Variants in VPS26A observed in about 807,000 individuals in gnomAD.
VPS26A encodes vacuolar protein sorting-associated protein 26A.
VPS26A carries 22 observed loss-of-function variants against 42.4 expected under a neutral mutation model. The observed-to-expected ratio is 0.52, with a 90% CI of 0.37 to 0.74. The LOEUF is 0.74. Among genes scored for constraint, VPS26A ranks in the 30% least tolerant of loss-of-function variants. The pLI, the probability that VPS26A is intolerant of heterozygous loss-of-function variation, is 0.00. For missense variants in VPS26A, 276 were observed against 379.2 expected (o/e 0.73, Z 2.26); for synonymous variants, 110 against 123.5 (o/e 0.89, Z 0.73).
Position 69,171,484 on chromosome 10 carries a change from C to T in VPS26A, c.*215C>T. 1 of 385,534 alleles carries T rather than the reference C, an allele frequency of 2.6e-6. No individual in the cohort carries two copies. The highest frequency in any genetic ancestry group is 4.6e-6 in the Non-Finnish European group (1 of 219,360). 23.9% of individuals were successfully genotyped at this position (385,534 alleles called of 1,614,324 possible). On this transcript the variant is annotated 3_prime_UTR_variant, in exon 9 of 9. Coordinates refer to ENST00000263559, the MANE Select transcript of VPS26A (RefSeq NM_004896.5). ...TTTTAAAAGTGCTTTCTTTGAAACA[C>T]TGGAACTTTGTTAAGCTGCCTTTTT... is the stretch of plus-strand genomic sequence containing the variant.
chr10:69,151,282 A>AAAAAAAAACAAAAAC (rs71035063), intron 2 of VPS26A, among the ~76,000 whole-genome samples: 12 of 136,828 alleles, frequency 8.8e-5, no homozygotes, highest in African/African-American at 4.0e-4. Context: ...AAAAAAAAAA[A>AAAAAAAAACAAAAAC]ACACACACAC....
intron 5 of VPS26A, among the ~76,000 whole-genome samples, chr10:69,158,748 A>C (rs1187966701): frequency 6.6e-6 from 1 of 152,166 alleles, no homozygotes; most frequent in Non-Finnish European, 1.5e-5. Context: ...ATGAATCCTC[A>C]TGTACCCATT....
rs1246673781 is a variant in VPS26A at position 69,128,937 on chromosome 10, C to T, written c.4-3961C>T. On this transcript the variant is annotated intron_variant, in intron 1 of 8. Transcript: ENST00000263559. Reference sequence around the variant, plus strand: ...GCTTGAGCCCATGAGGCAGAAGTTGCAGTCAGCTGAGATCATACCACTGCA... The same window carrying T: ...GCTTGAGCCCATGAGGCAGAAGTTGTAGTCAGCTGAGATCATACCACTGCA... Among the ~76,000 whole-genome samples the T allele has an allele frequency of 3.1e-5, 4 of 130,126 alleles. No individual in the cohort carries two copies. The East Asian group carries it at 9.2e-4, about 30-fold the overall frequency. 85.4% of individuals were successfully genotyped at this position (130,126 alleles called of 152,430 possible).
At chr10:69,161,653 G>T in intron 5 of VPS26A, 1 of 334,728 alleles carries the variant, frequency 3.0e-6, no homozygotes. Flanking sequence ...GTTTTATAGA[G>T]GCTTACCCAT....
At chr10:69,162,555 T>C in intron 6 of VPS26A, 43 bp downstream of exon 6, 1 of 1,265,342 alleles carries the variant, frequency 7.9e-7, no homozygotes, top group Non-Finnish European at 1.1e-6. Context: ...TTTGTTTTAG[T>C]TGACATTTTT....
rs1041013667 is a variant in VPS26A, at chr10:69,171,557, G to A, written c.*288G>A. The A allele has an allele frequency of 2.4e-5, 5 of 212,714 alleles. No individual in the cohort carries two copies. Among genetic ancestry groups the A allele is most frequent in the South Asian group, 1.1e-4 (1 of 8,930 alleles). 13.2% of individuals were successfully genotyped at this position (212,714 alleles called of 1,614,324 possible). A position where few individuals can be genotyped will look rare whatever the true frequency, so the allele number is the denominator to read the frequency against. Reference sequence around the variant, plus strand: ...GATAAGCACTCAGATATATATCAGCGTAAACATGAAAAATTTTCATGTGAG... The same window carrying A: ...GATAAGCACTCAGATATATATCAGCATAAACATGAAAAATTTTCATGTGAG... On this transcript the variant is annotated 3_prime_UTR_variant, in exon 9 of 9. Transcript: ENST00000263559.
intron 2 of VPS26A, among the ~76,000 whole-genome samples, chr10:69,141,140 G>C (rs1161455282): frequency 2.0e-5 from 3 of 152,184 alleles, no homozygotes; most frequent in Admixed American, 2.0e-4. Context: ...GATTCTAAAA[G>C]GCCATGTGTA....
rs547954014 is a variant in VPS26A at position 69,145,730 on chromosome 10, T to TC, written c.154-10082_154-10081insC. 3.3e-3 allele frequency among the ~76,000 whole-genome samples: 494 copies of TC among 151,808 alleles called. 1 individual carries two copies. The highest frequency in any genetic ancestry group is 0.02 in the Middle Eastern group (6 of 294). On this transcript the variant is annotated intron_variant, in intron 2 of 8. Transcript: ENST00000263559. ...TGGCATGTACTTTTTTCTTTTCTTT[T>TC]TTTTTTTTAAATAGCCTAATTGAGT...
intron 1 of VPS26A, among the ~76,000 whole-genome samples, chr10:69,125,359 G>T (rs1206631474): frequency 6.6e-6 from 1 of 152,106 alleles, no homozygotes; most frequent in African/African-American, 2.4e-5. Context: ...TTGCTCAGGT[G>T]TGCCTAGGGG....
Position 69,149,727 on chromosome 10 carries a change from GTTTTTT to G in VPS26A, c.154-6084_154-6079del, listed in dbSNP as rs1841250495. Among the ~76,000 whole-genome samples the G allele has an allele frequency of 2.2e-4, 21 of 93,952 alleles. No individual in the cohort carries two copies. In the South Asian group the frequency reaches 6.1e-3, roughly 27 times the overall value. The allele number at this position is 93,952 out of a possible 152,430, so 61.6% of individuals were successfully genotyped here. A position where few individuals can be genotyped will look rare whatever the true frequency, so the allele number is the denominator to read the frequency against. On this transcript the variant is annotated intron_variant, in intron 2 of 8. Coordinates refer to ENST00000263559, the MANE Select transcript of VPS26A (RefSeq NM_004896.5). ...ACCATGGAATGTTAACTTTCTTGGT[GTTTTTT>G]GTTTTTTTTTTTTTTTTTTTTTTTT... is the stretch of plus-strand genomic sequence containing the variant.
rs745881334 is a variant in VPS26A at position 69,137,862 on chromosome 10, G to GATATATATATATATAT, written c.153+4820_153+4835dup. 2.3e-4 allele frequency among the ~76,000 whole-genome samples: 33 copies of GATATATATATATATAT among 144,872 alleles called. 1 individual carries two copies. Among genetic ancestry groups the GATATATATATATATAT allele is most frequent in the African/African-American group, 8.1e-4 (30 of 36,838 alleles). On this transcript the variant is annotated intron_variant, in intron 2 of 8. Transcript: ENST00000263559. ...TTTTTCTTTTTTTAAGCTGTATTGAGATATATATATATATATATATTCGCC... is the reference window on the plus strand; with the variant it reads ...TTTTTCTTTTTTTAAGCTGTATTGAGATATATATATATATATATATATATATATATATATATTCGCC...
In VPS26A at chr10:69,124,207, G is replaced by A; in HGVS notation, c.-71G>A. ...TCACGTGACGGAGCGCCGGAGCGGA[G>A]GGAGCCGGGGCTGGGAGTTCTCCTG... On this transcript the variant is annotated 5_prime_UTR_variant, in exon 1 of 9. Transcript: ENST00000263559. 1 of 1,267,136 alleles carries A rather than the reference G, an allele frequency of 7.9e-7. No homozygotes were observed. Among genetic ancestry groups the A allele is most frequent in the Non-Finnish European group, 1.0e-6 (1 of 1,000,438 alleles). 78.5% of individuals were successfully genotyped at this position (1,267,136 alleles called of 1,614,324 possible). A position where few individuals can be genotyped will look rare whatever the true frequency, so the allele number is the denominator to read the frequency against.
chr10:69,171,676 G>C lies in VPS26A; in HGVS notation c.*407G>C, dbSNP rs1841819770. On this transcript the variant is annotated 3_prime_UTR_variant, in exon 9 of 9. Transcript: ENST00000263559. ...AATGATTACCTCTTATTCTCTACATGCAAAAAATTAAATATTTTGTGTTCA... is the reference window on the plus strand; with the variant it reads ...AATGATTACCTCTTATTCTCTACATCCAAAAAATTAAATATTTTGTGTTCA... 2 of 153,822 alleles carry C rather than the reference G, an allele frequency of 1.3e-5. No homozygotes were observed. Among genetic ancestry groups the C allele is most frequent in the Non-Finnish European group, 2.9e-5 (2 of 68,968 alleles). 9.5% of individuals were successfully genotyped at this position (153,822 alleles called of 1,614,324 possible). A position where few individuals can be genotyped will look rare whatever the true frequency, so the allele number is the denominator to read the frequency against.
intron 2 of VPS26A, among the ~76,000 whole-genome samples, chr10:69,138,091 T>G (rs1259134419): frequency 6.6e-6 from 1 of 152,168 alleles, no homozygotes; most frequent in Admixed American, 6.5e-5. Flanking sequence ...ATTCTGGACA[T>G]TTCATATAAA....
Position 69,171,197 on chromosome 10 carries a change from A to T in VPS26A, c.912A>T (p.Lys304Asn). The T allele has an allele frequency of 6.2e-7, 1 of 1,613,656 alleles. No individual in the cohort carries two copies. Among genetic ancestry groups the T allele is most frequent in the Non-Finnish European group, 8.5e-7 (1 of 1,179,928 alleles). Residue 304 changes from lysine (K) to asparagine (N), a missense_variant, in exon 9 of 9, where the codon AAA becomes AAT. Physicochemically the swap from Lys to Asn is moderately conservative, Grantham distance 94 (BLOSUM62 0). Transcript: ENST00000263559. Reference sequence around the variant, plus strand: ...GAAAAGCTCCTGAAAAACTGAGGAAACAGAGAACAAACTTTCACCAGCGAT... The same window carrying T: ...GAAAAGCTCCTGAAAAACTGAGGAATCAGAGAACAAACTTTCACCAGCGAT... ...LWRKAPEKLR[K>N]QRTNFHQRFE...
chr10:69,153,768 C>T (rs984035528), intron 2 of VPS26A, among the ~76,000 whole-genome samples: 8 of 151,982 alleles, frequency 5.3e-5, no homozygotes, highest in East Asian at 1.9e-4. Context: ...GCCAGGTGTT[C>T]GAGACCAGCC....
chr10:69,146,125 C>T (rs915947505), intron 2 of VPS26A, among the ~76,000 whole-genome samples: 12 of 152,112 alleles, frequency 7.9e-5, no homozygotes, highest in Admixed American at 3.9e-4. Flanking sequence ...GATGGAGTCT[C>T]GCTCTGTCAC....
At chr10:69,155,688 T>C in intron 2 of VPS26A, 124 bp from the exon 3 acceptor site, 1 of 722,654 alleles carries the variant, frequency 1.4e-6, no homozygotes, top group Non-Finnish European at 2.4e-6. Flanking sequence ...AGGTATGTGG[T>C]GGTGTCTCAA....
At chr10:69,138,449 A>G (rs1467094549) in intron 2 of VPS26A, among the ~76,000 whole-genome samples, 8 of 152,132 alleles carry the variant, frequency 5.3e-5, no homozygotes, top group African/African-American at 1.9e-4. Context: ...CAAAGACCTT[A>G]GGAGTTTTTG....
Sources: gnomAD v4.1 joint callset for allele counts (sites outside exome capture counted in the v4.1 genomes callset) on GRCh38, gnomAD v4.1.1 for gene constraint, MANE v1.5 for transcripts, NCBI Gene and HGNC (gene_info 2026-07-23, HGNC 2026-07-21) for gene names.